The following HMGCL variants were observed in gnomAD, a reference collection of about 807,000 sequenced individuals.
HMGCL encodes the protein hydroxymethylglutaryl-CoA lyase, mitochondrial.
HMGCL carries 26 observed loss-of-function variants against 37.3 expected under a neutral mutation model. That is an observed-to-expected ratio of 0.70 (90% CI 0.51 to 0.97). The LOEUF (loss-of-function observed/expected upper bound fraction) is 0.97, where lower values mean the gene tolerates loss of function less well. Ranked by LOEUF, HMGCL falls within the 50% of genes least tolerant of loss-of-function variation. The pLI is 0.00. For synonymous variants in HMGCL, 151 were observed against 148.0 expected, an observed-to-expected ratio of 1.02 and a Z score of -0.15; for missense variants, 379 against 398.1, an observed-to-expected ratio of 0.95 and a Z score of 0.41.
Position 23,820,925 on chromosome 1 carries a change from T to A in HMGCL, c.61-332A>T, listed in dbSNP as rs564230155. On this transcript the variant is annotated intron_variant, in intron 1 of 8. Transcript: ENST00000374490. Reference sequence around the variant, plus strand: ...TAATTTCTCCTAAAGCCCATCTGACTCCATCCTTTCCATCTCTGTCAAAGG... The same window carrying A: ...TAATTTCTCCTAAAGCCCATCTGACACCATCCTTTCCATCTCTGTCAAAGG... Among the ~76,000 whole-genome samples the A allele has an allele frequency of 7.9e-5, 12 of 152,302 alleles. No homozygotes were observed. In the South Asian group the frequency reaches 2.5e-3, roughly 32 times the overall value.
chr1:23,806,108 C>T lies in HMGCL; in HGVS notation c.751-1583G>A, dbSNP rs930279641. On this transcript the variant is annotated intron_variant, in intron 7 of 8. Transcript: ENST00000374490. The surrounding 1 kb of genome is among the most constrained non-coding windows in gnomAD (Gnocchi z 4.0). The stretch of plus-strand genomic sequence containing the variant: ...CTGGGATTACAGGCTCACGCCACCA[C>T]GCCCAGCTAATTTTTATATTTTTAG... Among the ~76,000 whole-genome samples, 16 of 152,222 alleles carry T rather than the reference C, an allele frequency of 1.1e-4. 1 individual carries two copies. Among genetic ancestry groups the T allele is most frequent in the South Asian group, 1.0e-3 (5 of 4,822 alleles).
chr1:23,825,194 T>C (rs1396782073), intron 1 of HMGCL, among the ~76,000 whole-genome samples, 162 bp downstream of exon 1: 1 of 152,096 alleles, frequency 6.6e-6, no homozygotes, highest in Non-Finnish European at 1.5e-5. Flanking sequence ...TTCAAAGGAT[T>C]TGAGGGGAAA....
At chr1:23,823,876 AAAAG>A (rs962726727) in intron 1 of HMGCL, among the ~76,000 whole-genome samples, 9 of 152,156 alleles carry the variant, frequency 5.9e-5, no homozygotes, top group Non-Finnish European at 8.8e-5. Context: ...AGGAAAAAAA[AAAAG>A]AAAGAAAAGA....
Position 23,817,509 on chromosome 1 carries a change from G to A in HMGCL, c.219C>T (p.Thr73=). 6.2e-7 allele frequency: 1 copy of A among 1,613,274 alleles called. No individual in the cohort carries two copies. The highest frequency in any genetic ancestry group is 8.5e-7 in the Non-Finnish European group (1 of 1,179,226). ...LSEAGLSVIE[T]TSFVSPKWVP... is the part of the protein sequence containing the mutation. ...CCCACTTAGGAGACACAAAGCTGGT[G>A]GTTTCTATAACAGAGAGTCCTGCTT... The change falls in exon 3 of 9, where the codon ACC becomes ACT. Residue 73 remains threonine, a synonymous_variant. Coordinates refer to ENST00000374490, the MANE Select transcript of HMGCL (RefSeq NM_000191.3).
intron 7 of HMGCL, chr1:23,807,104 A>G (rs572136145): frequency 5.8e-6 from 3 of 519,048 alleles, no homozygotes; most frequent in South Asian, 4.2e-5. Context: ...AGCACAGAGG[A>G]GCAGGAGTGT....
At chr1:23,804,877 C>T in intron 7 of HMGCL, among the ~76,000 whole-genome samples, 1 of 65,940 alleles carries the variant, frequency 1.5e-5, no homozygotes, top group Admixed American at 1.6e-4. Context: ...TCATTTATTA[C>T]CCCCCCCCCA....
chr1:23,807,284 A>G (rs1306198617), intron 7 of HMGCL: 1 of 516,866 alleles, frequency 1.9e-6, no homozygotes. Context: ...TATCACAGTA[A>G]GCTGAAAAAT....
At chr1:23,815,491 T>C (rs1299090831) in intron 4 of HMGCL, among the ~76,000 whole-genome samples, 1 of 151,820 alleles carries the variant, frequency 6.6e-6, no homozygotes, top group East Asian at 1.9e-4. Context: ...TGCTTTCTTT[T>C]TTTTTTTCTT....
Position 23,814,357 on chromosome 1 carries a change from A to G in HMGCL, c.349-19T>C. The G allele has an allele frequency of 1.2e-6, 2 of 1,611,950 alleles. No homozygotes were observed. Among genetic ancestry groups the G allele is most frequent in the Non-Finnish European group, 1.7e-6 (2 of 1,179,740 alleles). The stretch of plus-strand genomic sequence containing the variant: ...CAGCAACCTGCCAACATCCAGGTGA[A>G]CTCCTTTCAGCACTTTTCTCTTTTT... On this transcript the variant is annotated intron_variant, in intron 4 of 8. Transcript: ENST00000374490.
At chr1:23,822,396 AAC>A (rs954883678) in intron 1 of HMGCL, among the ~76,000 whole-genome samples, 12 of 152,332 alleles carry the variant, frequency 7.9e-5, no homozygotes, top group African/African-American at 2.9e-4. Flanking sequence ...CCTATCAAGT[AAC>A]ACAATACTTT....
At chr1:23,811,178 A>G (rs1329058108) in intron 5 of HMGCL, among the ~76,000 whole-genome samples, 2 of 152,134 alleles carry the variant, frequency 1.3e-5, no homozygotes, top group Non-Finnish European at 2.9e-5. Context: ...GAGACCAAAG[A>G]CTGGGTAAAA....
intron 3 of HMGCL, 146 bp from the exon 4 acceptor site, chr1:23,816,916 T>C: frequency 1.4e-6 from 1 of 706,934 alleles, no homozygotes; most frequent in South Asian, 1.5e-5. Flanking sequence ...TCCAATACTT[T>C]TACTGTTTGT....
chr1:23,817,685 G>T, intron 2 of HMGCL, 102 bp from the exon 3 acceptor site: 1 of 750,410 alleles, frequency 1.3e-6, no homozygotes, highest in South Asian at 1.4e-5. Flanking sequence ...TTTTTGCAGT[G>T]GATGCAGCTT....
At chr1:23,819,006 T>TAAAAAAAAAAAA (rs11371330) in intron 2 of HMGCL, among the ~76,000 whole-genome samples, 2 of 43,120 alleles carry the variant, frequency 4.6e-5, no homozygotes, top group African/African-American at 2.1e-4. Context: ...ATGGACGTGC[T>TAAAAAAAAAAAA]AAAAAAAAAA....
At chr1:23,808,914 T>G (rs1208618801) in intron 6 of HMGCL, among the ~76,000 whole-genome samples, 1 of 151,164 alleles carries the variant, frequency 6.6e-6, no homozygotes, top group African/African-American at 2.4e-5. Context: ...TTTACATATA[T>G]ATATTTTTTG....
At chr1:23,814,417 C>T in intron 4 of HMGCL, 79 bp from the exon 5 acceptor site, 2 of 1,538,644 alleles carry the variant, frequency 1.3e-6, no homozygotes, top group South Asian at 2.3e-5. Flanking sequence ...GTTGCCCAGG[C>T]TGGAGTGCAG....
chr1:23,805,608 A>G (rs1638393950), intron 7 of HMGCL, among the ~76,000 whole-genome samples: 1 of 151,786 alleles, frequency 6.6e-6, no homozygotes, highest in African/African-American at 2.4e-5. Flanking sequence ...CCAGGGCTCC[A>G]CATCCCTTGG....
At chr1:23,821,130 C>A (rs1294263466) in intron 1 of HMGCL, among the ~76,000 whole-genome samples, 1 of 151,858 alleles carries the variant, frequency 6.6e-6, no homozygotes, top group Admixed American at 6.6e-5. Flanking sequence ...CCGAAGCGGG[C>A]GATCACTTGA....
At chr1:23,815,769 A>G (rs904005981) in intron 4 of HMGCL, among the ~76,000 whole-genome samples, 2 of 152,112 alleles carry the variant, frequency 1.3e-5, no homozygotes, top group East Asian at 3.9e-4. Context: ...TGCTAGGATT[A>G]CAGGCGTGAG....
Sources: gnomAD v4.1 joint callset for allele counts (sites outside exome capture counted in the v4.1 genomes callset) on GRCh38, gnomAD v4.1.1 for gene constraint, Gnocchi (gnomAD v3.1) non-coding constraint, MANE v1.5 for transcripts, NCBI Gene and HGNC (gene_info 2026-07-23, HGNC 2026-07-21) for gene names.